Variants in CNBD1 observed in about 807,000 individuals in gnomAD.
The protein encoded by CNBD1 is cyclic nucleotide-binding domain-containing protein 1.
CNBD1 carries 71 observed loss-of-function variants against 54.4 expected under a neutral mutation model. That is an observed-to-expected ratio of 1.30 (90% confidence interval 1.08 to 1.59). The LOEUF (loss-of-function observed/expected upper bound fraction) is 1.59, where lower values mean the gene tolerates loss of function less well. CNBD1 is among the 40% of genes most tolerant of loss of function. CNBD1 has a pLI of 0.00. For synonymous variants in CNBD1, 182 were observed against 170.7 expected (o/e 1.07, Z -0.51); for missense variants, 659 against 518.0 (o/e 1.27, Z -2.64).
intron 4 of CNBD1, among the ~76,000 whole-genome samples, chr8:86,944,094 A>G (rs1465177939): frequency 6.6e-6 from 1 of 152,220 alleles, no homozygotes; most frequent in Non-Finnish European, 1.5e-5. Flanking sequence ...CTGAGTTTAC[A>G]TGCAATTGGC....
chr8:87,371,094 T>A (rs1456144409), intron 10 of CNBD1, among the ~76,000 whole-genome samples: 1 of 151,350 alleles, frequency 6.6e-6, no homozygotes, highest in Non-Finnish European at 1.5e-5. Context: ...TATATCTCTG[T>A]TTTGGTACCA....
intron 4 of CNBD1, among the ~76,000 whole-genome samples, chr8:87,137,076 A>G (rs1176864980): frequency 7.9e-6 from 1 of 125,976 alleles, no homozygotes; most frequent in Non-Finnish European, 1.6e-5. Flanking sequence ...TATTCTATGT[A>G]AATTATATAT....
intron 4 of CNBD1, among the ~76,000 whole-genome samples, chr8:86,960,875 TG>T (rs1176777224): frequency 6.6e-6 from 1 of 152,174 alleles, no homozygotes; most frequent in Non-Finnish European, 1.5e-5. Flanking sequence ...GCAAACAGGT[TG>T]TGGAGTGGAC....
intron 4 of CNBD1, among the ~76,000 whole-genome samples, chr8:87,018,547 C>T (rs1237552925): frequency 6.6e-6 from 1 of 152,032 alleles, no homozygotes; most frequent in Non-Finnish European, 1.5e-5. Flanking sequence ...TTAGTTGGTA[C>T]CCTAAAGGAG....
chr8:87,074,191 T>C (rs2130655846), intron 4 of CNBD1, among the ~76,000 whole-genome samples: 1 of 151,908 alleles, frequency 6.6e-6, no homozygotes, highest in East Asian at 1.9e-4. Context: ...CCATTTGTTG[T>C]TACATTTGGA....
At chr8:87,303,563 G>T (rs999513235) in intron 8 of CNBD1, among the ~76,000 whole-genome samples, 2 of 152,148 alleles carry the variant, frequency 1.3e-5, no homozygotes, top group Non-Finnish European at 2.9e-5. Flanking sequence ...ATACCATTCA[G>T]GACATAGGCA....
chr8:86,907,235 A>G lies in CNBD1; in HGVS notation c.272+2041A>G, dbSNP rs146176711. The stretch of plus-strand genomic sequence containing the variant: ...AGCAGGAGATTCACTGAAATCTCTA[A>G]ATTATATCATATCCCTGTATTGTCA... On this transcript the variant is annotated intron_variant, in intron 3 of 10. Transcript: ENST00000518476. Among the ~76,000 whole-genome samples, 429 of 152,310 alleles carry G rather than the reference A, an allele frequency of 2.8e-3. 8 individuals carry two copies. Among genetic ancestry groups the G allele is most frequent in the African/African-American group, 9.9e-3 (410 of 41,556 alleles).
intron 4 of CNBD1, among the ~76,000 whole-genome samples, chr8:87,028,048 C>A (rs889838872): frequency 1.3e-5 from 2 of 152,136 alleles, no homozygotes; most frequent in African/African-American, 4.8e-5. Flanking sequence ...CACACACACA[C>A]AACACACAAC....
In CNBD1 at chr8:87,299,798, G is replaced by A. The variant is rs748501469; in HGVS notation, c.1042+13127G>A. 1.8e-4 allele frequency among the ~76,000 whole-genome samples: 27 copies of A among 152,140 alleles called. 1 individual carries two copies. The highest frequency in any genetic ancestry group is 9.8e-4 in the Admixed American group (15 of 15,262). Reference sequence around the variant, plus strand: ...CTATGCTAGGGAACACATAGTGGTAGGATCATGAGCTGGATTTCAGCCACA... The same window carrying A: ...CTATGCTAGGGAACACATAGTGGTAAGATCATGAGCTGGATTTCAGCCACA... On this transcript the variant is annotated intron_variant, in intron 8 of 10. Coordinates refer to ENST00000518476, the MANE Select transcript of CNBD1 (RefSeq NM_173538.3).
At chr8:87,001,505 T>G (rs1302205081) in intron 4 of CNBD1, among the ~76,000 whole-genome samples, 1 of 152,194 alleles carries the variant, frequency 6.6e-6, no homozygotes, top group Non-Finnish European at 1.5e-5. Context: ...ATGGAGCCTA[T>G]GTGACTTTTT....
intron 5 of CNBD1, among the ~76,000 whole-genome samples, chr8:87,225,610 A>C (rs1226017376): frequency 2.6e-5 from 4 of 152,128 alleles, no homozygotes; most frequent in African/African-American, 9.7e-5. Context: ...ATGGTGGATA[A>C]GCTTTTTGAG....
rs76423901 is a variant in CNBD1, at chr8:87,320,729, A to T, written c.1043-30956A>T. On this transcript the variant is annotated intron_variant, in intron 8 of 10. Transcript: ENST00000518476. ...TATTTATTTTTTACTGTGATAAAAAACATGAGACCTATCCTAACAAATTTT... is the reference window on the plus strand; with the variant it reads ...TATTTATTTTTTACTGTGATAAAAATCATGAGACCTATCCTAACAAATTTT... Among the ~76,000 whole-genome samples, 1,536 of 152,220 alleles carry T rather than the reference A, an allele frequency of 0.01. 46 individuals carry two copies. The East Asian group carries it at 0.1, about 10-fold the overall frequency.
chr8:87,192,721 G>T (rs1813639111), intron 4 of CNBD1, among the ~76,000 whole-genome samples: 2 of 152,268 alleles, frequency 1.3e-5, no homozygotes, highest in East Asian at 1.9e-4. Context: ...CAGCCCTATG[G>T]ATTCCTAATT....
intron 8 of CNBD1, among the ~76,000 whole-genome samples, chr8:87,342,702 TCAG>T (rs1008242924): frequency 6.6e-6 from 1 of 151,932 alleles, no homozygotes; most frequent in African/African-American, 2.4e-5. Flanking sequence ...AGCTACAAAA[TCAG>T]CAGGTTTTTA....
At chr8:87,157,842 G>T (rs902272420) in intron 4 of CNBD1, among the ~76,000 whole-genome samples, 5 of 152,086 alleles carry the variant, frequency 3.3e-5, no homozygotes, top group African/African-American at 1.2e-4. Context: ...AAGAATGTTT[G>T]GCATGGATAA....
intron 6 of CNBD1, among the ~76,000 whole-genome samples, chr8:87,254,485 A>G (rs1012448620): frequency 1.3e-5 from 2 of 152,208 alleles, no homozygotes; most frequent in African/African-American, 2.4e-5. Context: ...GGCCCAACAC[A>G]TCCAAGTGGT....
At chr8:87,092,389 A>ATATATGTGTGTGTGTG (rs976920246) in intron 4 of CNBD1, among the ~76,000 whole-genome samples, 1 of 148,336 alleles carries the variant, frequency 6.7e-6, no homozygotes, top group Non-Finnish European at 1.5e-5. Flanking sequence ...GTGTGTGTAT[A>ATATATGTGTGTGTGTG]TATATGTGTG....
intron 4 of CNBD1, among the ~76,000 whole-genome samples, chr8:86,987,363 C>T (rs1808632371): frequency 6.6e-6 from 1 of 152,090 alleles, no homozygotes; most frequent in Admixed American, 6.6e-5. Flanking sequence ...GATTTTGTAT[C>T]CTGAGACTAC....
At chr8:87,038,349 G>A (rs537032297) in intron 4 of CNBD1, among the ~76,000 whole-genome samples, 13 of 152,306 alleles carry the variant, frequency 8.5e-5, no homozygotes, top group African/African-American at 2.9e-4. Context: ...CCATGTAGGA[G>A]ACAGAGTTAT....
Sources: allele counts gnomAD v4.1 joint callset (sites outside exome capture counted in the v4.1 genomes callset), GRCh38; gene constraint gnomAD v4.1.1; transcripts MANE v1.5; gene names NCBI Gene and HGNC (gene_info 2026-07-23, HGNC 2026-07-21).